The following LRRTM4 variants were observed in gnomAD, a reference collection of about 807,000 sequenced individuals.
The protein encoded by LRRTM4 is leucine rich repeat transmembrane neuronal 4, also known as leucine-rich repeat transmembrane neuronal protein 4.
LRRTM4 carries 25 observed loss-of-function variants against 47.6 expected under a neutral mutation model. That is an observed-to-expected ratio of 0.53 (90% CI 0.38 to 0.73). The LOEUF (loss-of-function observed/expected upper bound fraction) is 0.73. Among genes scored for constraint, LRRTM4 ranks in the 30% least tolerant of loss-of-function variants. The probability of loss-of-function intolerance (pLI) is 0.00; values close to 1 mark genes in which losing one functional copy is unlikely to be tolerated. For synonymous variants in LRRTM4, 311 were observed against 269.5 expected, an observed-to-expected ratio of 1.15 and a Z score of -1.51; for missense variants, 638 against 713.4, an observed-to-expected ratio of 0.89 and a Z score of 1.20.
intron 3 of LRRTM4, among the ~76,000 whole-genome samples, chr2:77,111,387 A>G (rs1671246397): frequency 6.7e-6 from 1 of 148,936 alleles, no homozygotes; most frequent in South Asian, 2.1e-4. Context: ...TCGGCCTCCC[A>G]AAGTGCTGGT....
intron 3 of LRRTM4, among the ~76,000 whole-genome samples, chr2:77,374,448 A>G (rs890826417): frequency 6.6e-6 from 1 of 151,856 alleles, no homozygotes; most frequent in Non-Finnish European, 1.5e-5. Flanking sequence ...GTTTTCACAG[A>G]CAAATAAATA....
chr2:77,217,868 G>A (rs904285321), intron 3 of LRRTM4, among the ~76,000 whole-genome samples: 1 of 152,084 alleles, frequency 6.6e-6, no homozygotes, highest in Non-Finnish European at 1.5e-5. Flanking sequence ...AACACAATGT[G>A]TATGTTATTA....
At chr2:77,088,435 T>A (rs1172746077) in intron 3 of LRRTM4, among the ~76,000 whole-genome samples, 1 of 152,138 alleles carries the variant, frequency 6.6e-6, no homozygotes, top group African/African-American at 2.4e-5. Context: ...TCCTGGCTCA[T>A]CCTGGCTCAA....
At chr2:77,146,803 A>G (rs1469609649) in intron 3 of LRRTM4, among the ~76,000 whole-genome samples, 1 of 152,166 alleles carries the variant, frequency 6.6e-6, no homozygotes, top group East Asian at 1.9e-4. Context: ...TCATTTTCAC[A>G]GTGAAGCAAC....
At chr2:77,305,847 A>T (rs1477128637) in intron 3 of LRRTM4, among the ~76,000 whole-genome samples, 1 of 152,096 alleles carries the variant, frequency 6.6e-6, no homozygotes, top group Non-Finnish European at 1.5e-5. Flanking sequence ...GGAACATCTT[A>T]AACTTTTAAA....
intron 3 of LRRTM4, among the ~76,000 whole-genome samples, chr2:77,064,523 C>A (rs1573519866): frequency 6.6e-6 from 1 of 152,144 alleles, no homozygotes; most frequent in Non-Finnish European, 1.5e-5. Flanking sequence ...TTGAAAGTCA[C>A]CTGTCAAAAA....
intron 3 of LRRTM4, among the ~76,000 whole-genome samples, chr2:77,139,650 A>G (rs955218750): frequency 2.6e-5 from 4 of 152,190 alleles, no homozygotes; most frequent in Admixed American, 1.3e-4. Context: ...GGAGAAATAA[A>G]GGGTATAAAA....
chr2:76,807,969 CCTTCCTTCCCTTCTTTCTTTT>C (rs1670600871), intron 3 of LRRTM4, among the ~76,000 whole-genome samples: 1 of 117,792 alleles, frequency 8.5e-6, no homozygotes, highest in African/African-American at 3.6e-5. Flanking sequence ...CTTTTTCTTT[CCTTCCTTCCCTTCTTTCTTTT>C]CTTTCTGTCT....
Position 77,242,142 on chromosome 2 carries a change from A to G in LRRTM4, c.1551+276176T>C, listed in dbSNP as rs181358788. Among the ~76,000 whole-genome samples, 4 of 152,282 alleles carry G rather than the reference A, an allele frequency of 2.6e-5. No individual in the cohort carries two copies. In the East Asian group the frequency reaches 7.7e-4, roughly 29 times the overall value. On this transcript the variant is annotated intron_variant, in intron 3 of 3. Coordinates refer to ENST00000409884, the MANE Select transcript of LRRTM4 (RefSeq NM_001134745.3). ...TTGGGGTTGCTTCAGATTCCATATA[A>G]ATTTTATGATGAATCTTTCTATTTC... is the stretch of plus-strand genomic sequence containing the variant.
chr2:77,394,845 G>A (rs1294301228), intron 3 of LRRTM4, among the ~76,000 whole-genome samples: 1 of 151,938 alleles, frequency 6.6e-6, no homozygotes, highest in East Asian at 1.9e-4. Flanking sequence ...GCCAGGGTTG[G>A]TGGTCTCTTA....
intron 3 of LRRTM4, among the ~76,000 whole-genome samples, chr2:77,341,508 C>A (rs527822094): frequency 6.6e-6 from 1 of 152,016 alleles, no homozygotes; most frequent in African/African-American, 2.4e-5. Context: ...TCCTCTAAAA[C>A]AATGTTTATC....
chr2:76,864,423 C>G (rs1296355780), intron 3 of LRRTM4, among the ~76,000 whole-genome samples: 2 of 151,762 alleles, frequency 1.3e-5, no homozygotes, highest in African/African-American at 4.8e-5. Flanking sequence ...TTTGGGAGGC[C>G]TAGGCGGGCG....
chr2:77,207,529 T>A (rs1223807476), intron 3 of LRRTM4, among the ~76,000 whole-genome samples: 1 of 151,836 alleles, frequency 6.6e-6, no homozygotes, highest in African/African-American at 2.4e-5. Flanking sequence ...TCAACCTGGC[T>A]GTGACTTATT....
At chr2:76,793,442 A>G (rs1573112918) in intron 3 of LRRTM4, among the ~76,000 whole-genome samples, 1 of 151,452 alleles carries the variant, frequency 6.6e-6, no homozygotes, top group Non-Finnish European at 1.5e-5. Context: ...AGAATCAAGT[A>G]TTTTTTTTTC....
chr2:77,306,270 G>C (rs1677268721), intron 3 of LRRTM4, among the ~76,000 whole-genome samples: 1 of 152,096 alleles, frequency 6.6e-6, no homozygotes, highest in South Asian at 2.1e-4. Flanking sequence ...ATAAAATTTT[G>C]TGTTCTTTTG....
intron 3 of LRRTM4, among the ~76,000 whole-genome samples, chr2:77,188,510 T>C (rs531291878): frequency 4.3e-4 from 65 of 152,288 alleles, no homozygotes; most frequent in African/African-American, 1.5e-3. Flanking sequence ...ACCTTCTACA[T>C]GTATATTTCT....
chr2:77,492,101 T>G (rs1678188875), intron 3 of LRRTM4, among the ~76,000 whole-genome samples: 1 of 152,124 alleles, frequency 6.6e-6, no homozygotes, highest in African/African-American at 2.4e-5. Flanking sequence ...GAGCTATCCC[T>G]TAAATCAAAA....
chr2:76,856,812 A>C (rs1021522220), intron 3 of LRRTM4, among the ~76,000 whole-genome samples: 1 of 152,146 alleles, frequency 6.6e-6, no homozygotes, highest in Non-Finnish European at 1.5e-5. Context: ...TGAAACAAAG[A>C]TACACAACAA....
chr2:77,071,843 G>A (rs1432989857), intron 3 of LRRTM4, among the ~76,000 whole-genome samples: 2 of 152,112 alleles, frequency 1.3e-5, no homozygotes, highest in African/African-American at 2.4e-5. Flanking sequence ...CCAAAACCCA[G>A]CATTTGTGAA....
Sources: gnomAD v4.1 joint callset for allele counts (sites outside exome capture counted in the v4.1 genomes callset) on GRCh38, gnomAD v4.1.1 for gene constraint, MANE v1.5 for transcripts, NCBI Gene and HGNC (gene_info 2026-07-23, HGNC 2026-07-21) for gene names.